The following PDE11A variants were observed in gnomAD, a reference collection of about 807,000 sequenced individuals.
PDE11A encodes the protein phosphodiesterase 11A, also known as dual 3',5'-cyclic-AMP and -GMP phosphodiesterase 11A.
In PDE11A, 100 loss-of-function variants were observed where a neutral mutation model predicts 100.5. That is an observed-to-expected ratio of 1.00 (90% confidence interval 0.85 to 1.18). PDE11A has a LOEUF of 1.18. Ranked by LOEUF, PDE11A falls within the 50% of genes most tolerant of loss-of-function variation. The pLI, the probability that PDE11A is intolerant of heterozygous loss-of-function variation, is 0.00. For missense variants in PDE11A, 1,141 were observed against 1,152.6 expected (o/e 0.99, Z 0.15); for synonymous variants, 381 against 420.8 (o/e 0.91, Z 1.16).
At chr2:177,804,213 A>G (rs1282393063) in intron 9 of PDE11A, among the ~76,000 whole-genome samples, 1 of 152,034 alleles carries the variant, frequency 6.6e-6, no homozygotes, top group Non-Finnish European at 1.5e-5. Flanking sequence ...TGCATCTGAC[A>G]AAAGGCTAAC....
chr2:178,049,702 C>T (rs1039411912), intron 1 of PDE11A, among the ~76,000 whole-genome samples: 1 of 152,178 alleles, frequency 6.6e-6, no homozygotes, highest in Non-Finnish European at 1.5e-5. Context: ...CAGGAGATTA[C>T]ATCCCATGCC....
At chr2:177,913,410 C>A (rs2084910306) in intron 2 of PDE11A, among the ~76,000 whole-genome samples, 1 of 152,092 alleles carries the variant, frequency 6.6e-6, no homozygotes, top group South Asian at 2.1e-4. Context: ...GGGTTGTGTA[C>A]CCTTTAAAAT....
chr2:178,085,086 T>C (rs983263883), intron 2 of PDE11A, among the ~76,000 whole-genome samples: 4 of 152,208 alleles, frequency 2.6e-5, no homozygotes, highest in Admixed American at 2.0e-4. Context: ...AACCACAGTC[T>C]ATATGCCATG....
At chr2:177,963,712 A>T (rs1450482616) in intron 2 of PDE11A, among the ~76,000 whole-genome samples, 1 of 152,236 alleles carries the variant, frequency 6.6e-6, no homozygotes, top group African/African-American at 2.4e-5. Flanking sequence ...TTTATCCTAA[A>T]GCACAAGTAT....
chr2:178,010,522 T>A (rs2086263376), intron 2 of PDE11A, among the ~76,000 whole-genome samples: 1 of 152,194 alleles, frequency 6.6e-6, no homozygotes, highest in South Asian at 2.1e-4. Flanking sequence ...GCTATAAAAC[T>A]TTTCTTGCCC....
intron 1 of PDE11A, among the ~76,000 whole-genome samples, chr2:178,065,099 T>C (rs1184402226): frequency 6.6e-6 from 1 of 152,160 alleles, no homozygotes; most frequent in African/African-American, 2.4e-5. Context: ...CTGAAACTTC[T>C]CCTAAAATAT....
At chr2:178,077,558 C>T (rs1301519864), upstream of PDE11A, among the ~76,000 whole-genome samples, 1 of 152,152 alleles carries the variant, frequency 6.6e-6, no homozygotes, top group Non-Finnish European at 1.5e-5. Context: ...ACCAGTATCA[C>T]CTTCCACATA....
At chr2:177,980,668 G>T (rs2105802737) in intron 2 of PDE11A, among the ~76,000 whole-genome samples, 1 of 150,832 alleles carries the variant, frequency 6.6e-6, no homozygotes, top group East Asian at 1.9e-4. Context: ...ACTCCATGCA[G>T]ATTTTTCACT....
chr2:177,883,933 T>G (rs2084386923), intron 4 of PDE11A, among the ~76,000 whole-genome samples: 1 of 152,100 alleles, frequency 6.6e-6, no homozygotes, highest in South Asian at 2.1e-4. Flanking sequence ...AAACAAGGAA[T>G]GAGGAAAATA....
intron 4 of PDE11A, among the ~76,000 whole-genome samples, chr2:177,891,599 T>C (rs1186233345): frequency 6.6e-6 from 1 of 152,220 alleles, no homozygotes; most frequent in Non-Finnish European, 1.5e-5. Flanking sequence ...GAAGTTTACA[T>C]TGGCATTACA....
At chr2:177,999,851 C>A (rs2086122435) in intron 2 of PDE11A, among the ~76,000 whole-genome samples, 1 of 152,120 alleles carries the variant, frequency 6.6e-6, no homozygotes, top group Non-Finnish European at 1.5e-5. Flanking sequence ...TCTAATAGAC[C>A]TTCAAAGCAT....
rs2084243055 is a variant in PDE11A at position 177,876,430 on chromosome 2, A to C, written c.1303-507T>G. The stretch of plus-strand genomic sequence containing the variant: ...TAAAGAGGAAGCCACCTTATTCAAC[A>C]ATCATTCTTGTGTGGACACTTCCTC... On this transcript the variant is annotated intron_variant, in intron 4 of 19. Coordinates refer to ENST00000286063, the MANE Select transcript of PDE11A (RefSeq NM_016953.4). Among the ~76,000 whole-genome samples the C allele has an allele frequency of 1.4e-5, 2 of 148,108 alleles. 1 individual carries two copies. The highest frequency in any genetic ancestry group is 5.2e-5 in the African/African-American group (2 of 38,810).
At chr2:178,081,255 T>C (rs2087281701) in intron 2 of PDE11A, among the ~76,000 whole-genome samples, 1 of 152,248 alleles carries the variant, frequency 6.6e-6, no homozygotes, top group Non-Finnish European at 1.5e-5. Flanking sequence ...TTCTCACTTG[T>C]GTATAAATAC....
At chr2:177,869,548 G>A (rs1470435825) in intron 5 of PDE11A, among the ~76,000 whole-genome samples, 1 of 152,110 alleles carries the variant, frequency 6.6e-6, no homozygotes, top group East Asian at 1.9e-4. Flanking sequence ...TGTTTTAAGG[G>A]TTCACATGAT....
intron 1 of PDE11A, chr2:178,018,304 T>C: frequency 2.4e-6 from 1 of 410,052 alleles, no homozygotes; most frequent in Non-Finnish European, 4.8e-6. Context: ...TCACTAAGAC[T>C]TTGAACAAGT....
intron 19 of PDE11A, among the ~76,000 whole-genome samples, chr2:177,641,285 C>T (rs1559122275): frequency 6.6e-6 from 1 of 152,088 alleles, no homozygotes; most frequent in African/African-American, 2.4e-5. Flanking sequence ...CAAAACAAAA[C>T]AGAAACAAAA....
rs886816484 is a variant in PDE11A at position 177,875,565 on chromosome 2, T to G, written c.1367+294A>C. Among the ~76,000 whole-genome samples, 6 of 151,702 alleles carry G rather than the reference T, an allele frequency of 4.0e-5. No individual in the cohort carries two copies. The East Asian group carries it at 1.2e-3, about 30-fold the overall frequency. ...GCTAATTTTTTTTTGTATTTTGTAG[T>G]AGAGACGGCATTTCACCATGTTAGC... On this transcript the variant is annotated intron_variant, in intron 5 of 19. Transcript: ENST00000286063.
chr2:177,656,472 G>T (rs143410288), intron 19 of PDE11A, among the ~76,000 whole-genome samples: 5 of 134,120 alleles, frequency 3.7e-5, no homozygotes, highest in African/African-American at 1.2e-4. Context: ...ATGTATCCCT[G>T]TTGTTAAGCA....
intron 2 of PDE11A, among the ~76,000 whole-genome samples, chr2:178,080,366 C>G (rs1222646557): frequency 6.6e-6 from 1 of 152,122 alleles, no homozygotes; most frequent in Non-Finnish European, 1.5e-5. Context: ...CTGCATATGG[C>G]CAGCCAGTTC....
Sources: allele counts gnomAD v4.1 joint callset (sites outside exome capture counted in the v4.1 genomes callset), GRCh38; gene constraint gnomAD v4.1.1; transcripts MANE v1.5; gene names NCBI Gene and HGNC (gene_info 2026-07-23, HGNC 2026-07-21).